Variants in FAM114A1 observed in about 807,000 individuals in gnomAD.
The protein encoded by FAM114A1 is protein NOXP20.
A neutral mutation model predicts 64.3 loss-of-function variants in FAM114A1; 62 were observed. The observed-to-expected ratio is 0.96, with a 90% confidence interval of 0.79 to 1.19. The LOEUF is 1.19. Among genes scored for constraint, FAM114A1 ranks in the 50% most tolerant of loss-of-function variants. The probability of loss-of-function intolerance (pLI) is 0.00; values close to 1 mark genes in which losing one functional copy is unlikely to be tolerated. For missense variants in FAM114A1, 645 were observed against 676.3 expected, an observed-to-expected ratio of 0.95 and a Z score of 0.51; for synonymous variants, 254 against 251.1, an observed-to-expected ratio of 1.01 and a Z score of -0.11.
intron 11 of FAM114A1, among the ~76,000 whole-genome samples, chr4:38,931,932 G>C (rs947160871): frequency 6.6e-6 from 1 of 152,180 alleles, no homozygotes; most frequent in Non-Finnish European, 1.5e-5. Context: ...TATCCATTGA[G>C]CTCTGTTCAT....
chr4:38,938,212 T>C (rs955861760), intron 13 of FAM114A1, among the ~76,000 whole-genome samples: 2 of 152,142 alleles, frequency 1.3e-5, no homozygotes, highest in African/African-American at 4.8e-5. Flanking sequence ...CAGTGTCTCA[T>C]TGTGCAAACC....
At chr4:38,915,824 A>T (rs1719003671) in intron 8 of FAM114A1, among the ~76,000 whole-genome samples, 1 of 151,620 alleles carries the variant, frequency 6.6e-6, no homozygotes, top group African/African-American at 2.4e-5. Flanking sequence ...TGGCACTTAC[A>T]TAGCCACTAT....
At position 38,903,902 on chromosome 4, in the gene FAM114A1, C is replaced by G. The variant is rs182042640; in HGVS notation, c.437-1620C>G. Among the ~76,000 whole-genome samples the G allele has an allele frequency of 4.9e-3, 742 of 152,254 alleles. 2 individuals are homozygous for G. Among genetic ancestry groups the G allele is most frequent in the Non-Finnish European group, 9.2e-3 (624 of 68,012 alleles). On this transcript the variant is annotated intron_variant, in intron 4 of 14. Coordinates refer to ENST00000358869, the MANE Select transcript of FAM114A1 (RefSeq NM_138389.4). ...TGATTTCCATTGGACATAATTCCTT[C>G]TACATTTGTCAAATATCAGTGCCTT... is the stretch of plus-strand genomic sequence containing the variant.
intron 3 of FAM114A1, among the ~76,000 whole-genome samples, chr4:38,888,570 T>G (rs1264688628): frequency 6.6e-6 from 1 of 152,192 alleles, no homozygotes; most frequent in Non-Finnish European, 1.5e-5. Flanking sequence ...ACATTCTTTC[T>G]TAGTACCACA....
intron 3 of FAM114A1, among the ~76,000 whole-genome samples, chr4:38,878,970 A>G (rs1232128379): frequency 6.6e-6 from 1 of 152,212 alleles, no homozygotes; most frequent in Non-Finnish European, 1.5e-5. Flanking sequence ...TTATCATCAC[A>G]CATCACCTTC....
chr4:38,909,167 C>T (rs1354691033), intron 7 of FAM114A1, among the ~76,000 whole-genome samples: 1 of 152,188 alleles, frequency 6.6e-6, no homozygotes. Context: ...CCCATCTCTA[C>T]CACTTAGTAG....
chr4:38,879,554 C>A (rs1715000949), intron 3 of FAM114A1, among the ~76,000 whole-genome samples: 1 of 152,186 alleles, frequency 6.6e-6, no homozygotes. Context: ...CTCCCACCCA[C>A]TTTTCTCAAG....
chr4:38,868,800 C>A (rs779089591), intron 2 of FAM114A1, among the ~76,000 whole-genome samples: 1 of 152,204 alleles, frequency 6.6e-6, no homozygotes, highest in Non-Finnish European at 1.5e-5. Flanking sequence ...TTTTTGCCCT[C>A]TCTGCAGCCT....
At chr4:38,911,443 G>A (rs1718519706) in intron 7 of FAM114A1, among the ~76,000 whole-genome samples, 1 of 152,230 alleles carries the variant, frequency 6.6e-6, no homozygotes, top group African/African-American at 2.4e-5. Flanking sequence ...CCCAGGAGTA[G>A]GAGGGAGGTC....
intron 9 of FAM114A1, among the ~76,000 whole-genome samples, chr4:38,923,708 T>G (rs9995418): frequency 0.2 from 30,688 of 152,164 alleles, 3,272 homozygotes; most frequent in Middle Eastern, 0.3. Flanking sequence ...TCTGACAAAG[T>G]CTGTACCATT....
intron 14 of FAM114A1, among the ~76,000 whole-genome samples, 190 bp from the exon 15 acceptor site, chr4:38,943,266 A>G (rs946982145): frequency 2.0e-5 from 3 of 152,002 alleles, no homozygotes; most frequent in African/African-American, 7.2e-5. Context: ...CTGTTAGTAT[A>G]GATAATTGAG....
At chr4:38,874,550 C>T (rs1714423670) in intron 2 of FAM114A1, among the ~76,000 whole-genome samples, 1 of 152,084 alleles carries the variant, frequency 6.6e-6, no homozygotes. Context: ...AAGTTCCTTA[C>T]AGATTCTGGA....
At chr4:38,939,432 GC>G (rs1483334258) in intron 13 of FAM114A1, among the ~76,000 whole-genome samples, 7 of 152,080 alleles carry the variant, frequency 4.6e-5, no homozygotes, top group Admixed American at 2.6e-4. Context: ...TAAATTGCTT[GC>G]ATACCTCATT....
At chr4:38,923,216 T>C (rs1719780852) in intron 9 of FAM114A1, among the ~76,000 whole-genome samples, 3 of 146,850 alleles carry the variant, frequency 2.0e-5, no homozygotes. Flanking sequence ...CTAGAGTTTA[T>C]GCTGCCACTT....
At chr4:38,870,163 G>A (rs1482161601) in intron 2 of FAM114A1, among the ~76,000 whole-genome samples, 3 of 152,100 alleles carry the variant, frequency 2.0e-5, no homozygotes, top group Non-Finnish European at 2.9e-5. Context: ...GAATACCATC[G>A]CTCCCACCTC....
At position 38,878,304 on chromosome 4, in the gene FAM114A1, A is replaced by G; in HGVS notation, c.226A>G (p.Asn76Asp). The G allele has an allele frequency of 6.2e-7, 1 of 1,614,232 alleles. No individual in the cohort carries two copies. The highest frequency in any genetic ancestry group is 8.5e-7 in the Non-Finnish European group (1 of 1,180,030). ...IGPPVQPQDA[N>D]ALEPPLNGDV... ...GCCCCCTGTGCAGCCTCAGGATGCC[A>G]ACGCCCTGGAGCCCCCTCTCAATGG... Residue 76 changes from asparagine to aspartate, a missense_variant, in exon 3 of 15, where the codon AAC becomes GAC. Physicochemically the swap from Asn to Asp is conservative, Grantham distance 23 (BLOSUM62 1). Transcript: ENST00000358869.
chr4:38,873,794 G>C (rs1714339860), intron 2 of FAM114A1, among the ~76,000 whole-genome samples: 1 of 152,140 alleles, frequency 6.6e-6, no homozygotes, highest in South Asian at 2.1e-4. Context: ...GGTAAGCCTG[G>C]TGGGATCAGA....
At chr4:38,907,243 T>TG (rs1718098236) in intron 6 of FAM114A1, among the ~76,000 whole-genome samples, 1 of 152,168 alleles carries the variant, frequency 6.6e-6, no homozygotes, top group Admixed American at 6.5e-5. Flanking sequence ...ACCACCCCCG[T>TG]GGGGGGTTTG....
Position 38,931,607 on chromosome 4 carries a change from A to G in FAM114A1, c.1318A>G (p.Ile440Val), listed in dbSNP as rs2109785739. Residue 440 changes from isoleucine to valine, a missense_variant, in exon 11 of 15, where the codon ATA (isoleucine) becomes GTA (valine). Physicochemically the swap from Ile to Val is conservative, Grantham distance 29. Transcript: ENST00000358869. ...DKKEEKKTKT[I>V]EEVYMSSIES... ...AAAGGAGGAAAAGAAAACTAAGACC[A>G]TAGAGGTAAATTCATTCTAGATTGT... 1 of 1,611,740 alleles carries G rather than the reference A, an allele frequency of 6.2e-7. No homozygotes were observed. Among genetic ancestry groups the G allele is most frequent in the Non-Finnish European group, 8.5e-7 (1 of 1,179,080 alleles).
Sources: gnomAD v4.1 joint callset for allele counts (sites outside exome capture counted in the v4.1 genomes callset) on GRCh38, gnomAD v4.1.1 for gene constraint, MANE v1.5 for transcripts, NCBI Gene and HGNC (gene_info 2026-07-23, HGNC 2026-07-21) for gene names.